MAN1A1: variants seen among roughly 807,000 people sequenced by gnomAD.
The protein encoded by MAN1A1 is mannosyl-oligosaccharide 1,2-alpha-mannosidase IA.
MAN1A1 carries 29 observed loss-of-function variants against 70.8 expected under a neutral mutation model. That is an observed-to-expected ratio of 0.41 (90% CI 0.31 to 0.56). The LOEUF (loss-of-function observed/expected upper bound fraction) is 0.56. MAN1A1 is among the 20% of genes least tolerant of loss of function. The probability of loss-of-function intolerance (pLI) is 0.29; values close to 1 mark genes in which losing one functional copy is unlikely to be tolerated. For missense variants in MAN1A1, 747 were observed against 841.3 expected (o/e 0.89, Z 1.39); for synonymous variants, 349 against 330.1 (o/e 1.06, Z -0.62).
intron 6 of MAN1A1, among the ~76,000 whole-genome samples, chr6:119,212,699 T>C (rs1039558847): frequency 3.3e-5 from 5 of 152,200 alleles, no homozygotes; most frequent in Admixed American, 3.3e-4. Flanking sequence ...GGGCATTACT[T>C]AGCCAAGATC....
chr6:119,290,843 T>TA (rs1776519418), intron 4 of MAN1A1, 80 bp from the exon 5 acceptor site: 1 of 888,138 alleles, frequency 1.1e-6, no homozygotes, highest in Non-Finnish European at 1.8e-6. Context: ...ACTAAATACT[T>TA]AAATTTTGTT....
chr6:119,216,380 A>G (rs1774203449), intron 6 of MAN1A1, among the ~76,000 whole-genome samples: 1 of 152,178 alleles, frequency 6.6e-6, no homozygotes, highest in Non-Finnish European at 1.5e-5. Flanking sequence ...ACGTGGAGGA[A>G]CTGGAGCGAT....
intron 5 of MAN1A1, among the ~76,000 whole-genome samples, chr6:119,252,951 T>C (rs187820809): frequency 1.3e-5 from 2 of 152,242 alleles, no homozygotes; most frequent in Admixed American, 1.3e-4. Flanking sequence ...AACTGGATGT[T>C]GATCATTCTA....
chr6:119,310,549 C>T (rs1021124067), intron 2 of MAN1A1, among the ~76,000 whole-genome samples: 2 of 152,286 alleles, frequency 1.3e-5, no homozygotes, highest in African/African-American at 2.4e-5. Flanking sequence ...CAACGTGGGG[C>T]GCCCTGGTGT....
At chr6:119,240,933 G>A (rs1369132565) in intron 6 of MAN1A1, among the ~76,000 whole-genome samples, 3 of 152,112 alleles carry the variant, frequency 2.0e-5, no homozygotes, top group Admixed American at 2.0e-4. Context: ...TGGTGGGAGG[G>A]TAATCCCTGA....
intron 2 of MAN1A1, among the ~76,000 whole-genome samples, chr6:119,347,393 T>A (rs1373321789): frequency 6.6e-6 from 1 of 152,254 alleles, no homozygotes; most frequent in Admixed American, 6.5e-5. Flanking sequence ...ATCGTATTAT[T>A]TTTTAAATGG....
In MAN1A1 at chr6:119,319,604, G is replaced by T. The variant is rs6918998; in HGVS notation, c.604-12612C>A. On this transcript the variant is annotated intron_variant, in intron 2 of 12. Transcript: ENST00000368468. ...AGTAAAAGAAATGTCAAGTTTGTCA[G>T]CAGAGGTGAAATTGTTTTATTATTC... Among the ~76,000 whole-genome samples the T allele has an allele frequency of 1.9e-3, 289 of 152,214 alleles. 3 individuals carry two copies. The highest frequency in any genetic ancestry group is 6.6e-3 in the African/African-American group (274 of 41,528).
chr6:119,188,751 C>A (rs113305115), intron 10 of MAN1A1, among the ~76,000 whole-genome samples, 174 bp from the exon 11 acceptor site: 1,827 of 152,232 alleles, frequency 0.012, 35 homozygotes, highest in African/African-American at 0.042. Flanking sequence ...TATAAAATGG[C>A]AAAGTATTCG....
At chr6:119,238,332 G>T (rs192332517) in intron 6 of MAN1A1, among the ~76,000 whole-genome samples, 165 of 152,152 alleles carry the variant, frequency 1.1e-3, no homozygotes, top group African/African-American at 3.8e-3. Flanking sequence ...ATGCTCTAAG[G>T]GCTTTGCAAG....
Position 119,179,726 on chromosome 6 carries a change from A to C in MAN1A1, c.*93T>G. ...TTAAGAACTTAATCACAGACCTACT[A>C]ATCAAAGTTCATCATGTGCCTGATT... On this transcript the variant is annotated 3_prime_UTR_variant, in exon 13 of 13. Coordinates refer to ENST00000368468, the MANE Select transcript of MAN1A1 (RefSeq NM_005907.4). 1 of 1,193,554 alleles carries C rather than the reference A, an allele frequency of 8.4e-7. No homozygotes were observed. The highest frequency in any genetic ancestry group is 2.2e-4 in the Middle Eastern group (1 of 4,502). The allele number at this position is 1,193,554 out of a possible 1,614,324, so 73.9% of individuals were successfully genotyped here. A position where few individuals can be genotyped will look rare whatever the true frequency, so the allele number is the denominator to read the frequency against.
intron 5 of MAN1A1, among the ~76,000 whole-genome samples, chr6:119,254,441 C>G (rs907217389): frequency 1.3e-5 from 2 of 152,134 alleles, no homozygotes; most frequent in African/African-American, 4.8e-5. Context: ...AGCTACAAAA[C>G]TAGTACTAAA....
At chr6:119,292,630 T>TA (rs1035530478) in intron 4 of MAN1A1, among the ~76,000 whole-genome samples, 1 of 151,934 alleles carries the variant, frequency 6.6e-6, no homozygotes, top group Non-Finnish European at 1.5e-5. Flanking sequence ...TTGCTTAAGT[T>TA]AAAAAAATTC....
intron 5 of MAN1A1, chr6:119,269,315 C>T: frequency 7.5e-6 from 2 of 266,734 alleles, no homozygotes; most frequent in Non-Finnish European, 7.4e-6. Flanking sequence ...GTGAACCAGG[C>T]ACCCCAGATA....
intron 6 of MAN1A1, among the ~76,000 whole-genome samples, chr6:119,241,983 T>G (rs1486367217): frequency 2.6e-5 from 4 of 151,100 alleles, no homozygotes; most frequent in Non-Finnish European, 5.9e-5. Context: ...TATATGTGTG[T>G]GTATATATAT....
In MAN1A1 at chr6:119,302,096, G is replaced by C. The variant is rs201487763; in HGVS notation, c.708C>G (p.Ile236Met). 7.6e-5 allele frequency: 114 copies of C among 1,490,870 alleles called. No individual in the cohort carries two copies. The East Asian group carries it at 2.5e-3, about 33-fold the overall frequency. The allele number at this position is 1,490,870 out of a possible 1,614,324, so 92.4% of individuals were successfully genotyped here. Reference protein sequence around the residue: ...GGHSSSLFGNIKGATIVDALD... With the variant: ...GGHSSSLFGNMKGATIVDALD... The stretch of plus-strand genomic sequence containing the variant: ...GGGCATCTACTATAGTTGCTCCTTT[G>C]ATGTTACCTGAAAAGATCAGAAAAA... Residue 236 changes from isoleucine (I) to methionine (M), a missense_variant, in exon 4 of 13, where the codon ATC becomes ATG. This residue lies in a region of MAN1A1 where 419 missense variants were observed against 548.2 expected (regional missense o/e 0.76). Coordinates refer to ENST00000368468, the MANE Select transcript of MAN1A1 (RefSeq NM_005907.4).
chr6:119,320,632 A>G (rs940550328), intron 2 of MAN1A1, among the ~76,000 whole-genome samples: 1 of 140,930 alleles, frequency 7.1e-6, no homozygotes, highest in Admixed American at 7.0e-5. Flanking sequence ...GGTTAAAAAC[A>G]AAAAAAAAAA....
intron 5 of MAN1A1, among the ~76,000 whole-genome samples, chr6:119,285,826 C>T (rs569357762): frequency 3.3e-5 from 5 of 151,976 alleles, no homozygotes; most frequent in African/African-American, 1.2e-4. Flanking sequence ...TTGTTTATAC[C>T]ACATATTTCT....
intron 2 of MAN1A1, among the ~76,000 whole-genome samples, chr6:119,324,411 TG>T (rs199511241): frequency 6.6e-6 from 1 of 152,032 alleles, no homozygotes; most frequent in South Asian, 2.1e-4. Context: ...TAGTTAAGTT[TG>T]GGGGGGAATC....
At chr6:119,300,736 G>C (rs1772369194) in intron 4 of MAN1A1, among the ~76,000 whole-genome samples, 1 of 151,994 alleles carries the variant, frequency 6.6e-6, no homozygotes, top group African/African-American at 2.4e-5. Flanking sequence ...AAAATAGAAG[G>C]GTTTAACACA....
Sources: allele counts gnomAD v4.1 joint callset (sites outside exome capture counted in the v4.1 genomes callset), GRCh38; gene constraint gnomAD v4.1.1; regional missense constraint gnomAD v4.1.1; transcripts MANE v1.5; gene names NCBI Gene and HGNC (gene_info 2026-07-23, HGNC 2026-07-21).